Variants in MPP3 observed in about 807,000 individuals in gnomAD.
MPP3 encodes MAGUK p55 scaffold protein 3.
In MPP3, 48 loss-of-function variants were observed where a neutral mutation model predicts 80.7. That is an observed-to-expected ratio of 0.59 (90% CI 0.47 to 0.76). The LOEUF (loss-of-function observed/expected upper bound fraction) is 0.76. Among genes scored for constraint, MPP3 ranks in the 30% least tolerant of loss-of-function variants. MPP3 has a pLI of 0.00. For missense variants in MPP3, 620 were observed against 763.0 expected, an observed-to-expected ratio of 0.81 and a Z score of 2.21; for synonymous variants, 311 against 297.6, an observed-to-expected ratio of 1.04 and a Z score of -0.46.
At chr17:43,817,718 T>C (rs1400479634) in intron 12 of MPP3, among the ~76,000 whole-genome samples, 1 of 152,164 alleles carries the variant, frequency 6.6e-6, no homozygotes, top group Non-Finnish European at 1.5e-5. Flanking sequence ...ATTTTCAAGG[T>C]CAGAGAGCCC....
chr17:43,831,161 A>G, intron 5 of MPP3, 83 bp downstream of exon 5: 1 of 1,326,998 alleles, frequency 7.5e-7, no homozygotes, highest in Non-Finnish European at 1.1e-6. Context: ...CGGTGTCCCC[A>G]CACTAAGCAA....
Position 43,816,060 on chromosome 17 carries a change from G to T in MPP3, c.987C>A (p.Gly329=). The T allele has an allele frequency of 6.6e-7, 1 of 1,508,216 alleles. No individual in the cohort carries two copies. The highest frequency in any genetic ancestry group is 8.8e-7 in the Non-Finnish European group (1 of 1,133,742). 93.4% of individuals were successfully genotyped at this position (1,508,216 alleles called of 1,614,324 possible). The change falls in exon 14 of 20, where the codon GGC becomes GGA. Residue 329 remains glycine, a synonymous_variant. Coordinates refer to ENST00000398389, the MANE Select transcript of MPP3 (RefSeq NM_001932.6). ...TACCCACATAGTGCCCTTTGAGGTA[G>T]CCCTCACAGTCACAGGTCTCTGGGA... ...PCDKETCDCE[G]YLKGHYVAGL...
chr17:43,819,386 T>C (rs557768756), intron 11 of MPP3, among the ~76,000 whole-genome samples: 1 of 152,346 alleles, frequency 6.6e-6, no homozygotes, highest in Admixed American at 6.5e-5. Flanking sequence ...TGCAGCCTTA[T>C]AAAAGTGAAG....
intron 18 of MPP3, among the ~76,000 whole-genome samples, chr17:43,809,511 G>A (rs2044755233): frequency 6.6e-6 from 1 of 152,090 alleles, no homozygotes; most frequent in Non-Finnish European, 1.5e-5. Flanking sequence ...ATCTCCTCTT[G>A]GTATTCAAAG....
chr17:43,827,026 T>C (rs892779210), intron 8 of MPP3, among the ~76,000 whole-genome samples: 12 of 151,864 alleles, frequency 7.9e-5, no homozygotes, highest in African/African-American at 2.9e-4. Context: ...CTTTTTTTCT[T>C]TTTTTTGAGA....
intron 3 of MPP3, 67 bp downstream of exon 3, chr17:43,831,815 C>T: frequency 6.6e-7 from 1 of 1,520,560 alleles, no homozygotes; most frequent in Non-Finnish European, 8.9e-7. Context: ...CTGCCAGGGC[C>T]TGGAGGCTGC....
chr17:43,807,250 G>C (rs1315561631), intron 19 of MPP3, among the ~76,000 whole-genome samples: 3 of 151,962 alleles, frequency 2.0e-5, no homozygotes, highest in Non-Finnish European at 4.4e-5. Context: ...TGGGATTATA[G>C]GCGTGAGCCA....
At chr17:43,818,434 C>A (rs1017709631) in intron 11 of MPP3, among the ~76,000 whole-genome samples, 7 of 152,156 alleles carry the variant, frequency 4.6e-5, no homozygotes, top group Admixed American at 3.3e-4. Flanking sequence ...GAGAGGCAGC[C>A]CCTTCTCTAC....
intron 10 of MPP3, among the ~76,000 whole-genome samples, chr17:43,821,864 A>T (rs894825642): frequency 2.0e-5 from 3 of 152,220 alleles, no homozygotes; most frequent in African/African-American, 7.2e-5. Context: ...ACCAGAAAAG[A>T]TTCCACTGGA....
In MPP3 at chr17:43,825,583, G is replaced by C. The variant is rs2045656056; in HGVS notation, c.609+173C>G. 1.1e-5 allele frequency: 6 copies of C among 569,450 alleles called. No homozygotes were observed. In the Admixed American group the frequency reaches 1.5e-4, roughly 14 times the overall value. 35.3% of individuals were successfully genotyped at this position (569,450 alleles called of 1,614,324 possible). ...ATGGAAGGGAAGTTCCCCTCCTCCTGCTGCCACCCCATACCCCGGGCACAC... is the reference window on the plus strand; with the variant it reads ...ATGGAAGGGAAGTTCCCCTCCTCCTCCTGCCACCCCATACCCCGGGCACAC... On this transcript the variant is annotated intron_variant, in intron 9 of 19. Transcript: ENST00000398389.
Position 43,808,869 on chromosome 17 carries a change from G to A in MPP3, c.1581+87C>T, listed in dbSNP as rs2044728152. 5 of 1,448,924 alleles carry A rather than the reference G, an allele frequency of 3.5e-6. No individual in the cohort carries two copies. The South Asian group carries it at 7.4e-5, about 21-fold the overall frequency. 89.8% of individuals were successfully genotyped at this position (1,448,924 alleles called of 1,614,324 possible). Reference sequence around the variant, plus strand: ...AAGGTGTGTCCCGCATCCCTCTTCAGCTGCAAGCACCCTTATGCAGCTAGA... The same window carrying A: ...AAGGTGTGTCCCGCATCCCTCTTCAACTGCAAGCACCCTTATGCAGCTAGA... On this transcript the variant is annotated intron_variant, in intron 19 of 19. Coordinates refer to ENST00000398389, the MANE Select transcript of MPP3 (RefSeq NM_001932.6).
At chr17:43,807,792 T>TA (rs981774330) in intron 19 of MPP3, among the ~76,000 whole-genome samples, 6 of 151,394 alleles carry the variant, frequency 4.0e-5, no homozygotes, top group South Asian at 2.1e-4. Flanking sequence ...CCTGTCTCTA[T>TA]AAAAAAATTT....
chr17:43,811,299 G>A, intron 16 of MPP3, 94 bp from the exon 17 acceptor site: 1 of 935,078 alleles, frequency 1.1e-6, no homozygotes, highest in Non-Finnish European at 1.7e-6. Flanking sequence ...GGAGTTCACT[G>A]CTGCTGTGTC....
intron 19 of MPP3, among the ~76,000 whole-genome samples, chr17:43,802,734 T>G (rs916626222): frequency 6.6e-6 from 1 of 152,206 alleles, no homozygotes; most frequent in Non-Finnish European, 1.5e-5. Context: ...GTCGCTGGCA[T>G]TCACTCACTG....
Position 43,809,662 on chromosome 17 carries a change from G to A in MPP3, c.1459-584C>T, listed in dbSNP as rs372437191. ...TGGGAGGCCGAGCCGGGTGGATCAC[G>A]AGGTCAGGAGATCAAGACCATCCTG... On this transcript the variant is annotated intron_variant, in intron 18 of 19. Coordinates refer to ENST00000398389, the MANE Select transcript of MPP3 (RefSeq NM_001932.6). 7.4e-4 allele frequency among the ~76,000 whole-genome samples: 113 copies of A among 152,202 alleles called. 2 individuals are homozygous for A. In the South Asian group the frequency reaches 0.023, roughly 31 times the overall value.
In MPP3 at chr17:43,813,915, C is replaced by T. The variant is rs113627844; in HGVS notation, c.1255+96G>A. Reference sequence around the variant, plus strand: ...GGCAGTGCCTGGTGATCCTTTAAACCCAAAGTAAGGATTTGGATGGATCTG... The same window carrying T: ...GGCAGTGCCTGGTGATCCTTTAAACTCAAAGTAAGGATTTGGATGGATCTG... On this transcript the variant is annotated intron_variant, in intron 16 of 19. Coordinates refer to ENST00000398389, the MANE Select transcript of MPP3 (RefSeq NM_001932.6). 4.6e-3 allele frequency: 4,976 copies of T among 1,070,918 alleles called. 19 individuals are homozygous for T. The highest frequency in any genetic ancestry group is 6.1e-3 in the Non-Finnish European group (4,568 of 746,704). 66.3% of individuals were successfully genotyped at this position (1,070,918 alleles called of 1,614,324 possible). A position where few individuals can be genotyped will look rare whatever the true frequency, so the allele number is the denominator to read the frequency against.
chr17:43,807,608 C>T (rs758927209), intron 19 of MPP3, among the ~76,000 whole-genome samples: 5 of 152,004 alleles, frequency 3.3e-5, no homozygotes, highest in Non-Finnish European at 5.9e-5. Flanking sequence ...TGTGAGCCAC[C>T]GTACCTGGCC....
intron 19 of MPP3, 95 bp downstream of exon 19, chr17:43,808,861 C>T: frequency 7.2e-7 from 1 of 1,386,610 alleles, no homozygotes; most frequent in Non-Finnish European, 9.7e-7. Flanking sequence ...GTCCCGCATC[C>T]CTCTTCAGCT....
Position 43,801,768 on chromosome 17 carries a change from T to A in MPP3, c.1691A>T (p.Gln564Leu). Residue 564 changes from glutamine to leucine, a missense_variant, in exon 20 of 20, where the codon CAG becomes CTG. By Grantham distance (113) the Gln-to-Leu change is moderately radical. Coordinates refer to ENST00000398389, the MANE Select transcript of MPP3 (RefSeq NM_001932.6). ...VKEDLQGAYS[Q>L]LKVVLEKLSK... ...CAGCTTCTCTAAGACCACTTTGAGC[T>A]GGCTGTAGGCACCCTGGAGATCCTC... 6.2e-7 allele frequency: 1 copy of A among 1,614,172 alleles called. No homozygotes were observed. Among genetic ancestry groups the A allele is most frequent in the South Asian group, 1.1e-5 (1 of 91,074 alleles).
Sources: gnomAD v4.1 joint callset for allele counts (sites outside exome capture counted in the v4.1 genomes callset) on GRCh38, gnomAD v4.1.1 for gene constraint, MANE v1.5 for transcripts, NCBI Gene and HGNC (gene_info 2026-07-23, HGNC 2026-07-21) for gene names.